The following RTTN variants were observed in gnomAD, a reference collection of about 807,000 sequenced individuals.
RTTN encodes the protein rotatin.
Under a neutral mutation model 269.2 loss-of-function variants are expected in RTTN, and 182 were observed. The observed-to-expected ratio is 0.68, with a 90% CI of 0.60 to 0.76. The LOEUF is 0.76. Ranked by LOEUF, RTTN falls within the 30% of genes least tolerant of loss-of-function variation. The pLI, the probability that RTTN is intolerant of heterozygous loss-of-function variation, is 0.00. For synonymous variants in RTTN, 1,006 were observed against 963.5 expected (o/e 1.04, Z -0.82); for missense variants, 2,545 against 2,608.6 (o/e 0.98, Z 0.53).
In RTTN at chr18:70,030,902, C is replaced by T. The variant is rs757207264; in HGVS notation, c.5621G>A (p.Arg1874Lys). 2 of 1,613,652 alleles carry T rather than the reference C, an allele frequency of 1.2e-6. No individual in the cohort carries two copies. The highest frequency in any genetic ancestry group is 3.3e-5 in the Admixed American group (2 of 59,914). Residue 1874 changes from arginine (R) to lysine (K), a missense_variant, in exon 41 of 49, where the codon AGA becomes AAA. Coordinates refer to ENST00000640769, the MANE Select transcript of RTTN (RefSeq NM_173630.4). Reference protein sequence around the residue: ...NALMSLLAVSRRAQKHALKAN... With the variant: ...NALMSLLAVSKRAQKHALKAN... The stretch of plus-strand genomic sequence containing the variant: ...TTTCAAAGCATGTTTCTGTGCTCTT[C>T]TACTGACAGCCAGCAGTGACATCAA...
At chr18:70,095,773 T>C (rs1475032571) in intron 28 of RTTN, among the ~76,000 whole-genome samples, 1 of 152,026 alleles carries the variant, frequency 6.6e-6, no homozygotes, top group East Asian at 1.9e-4. Context: ...TTACATGTCT[T>C]GGGGTTGCTC....
intron 5 of RTTN, 29 bp from the exon 6 acceptor site, chr18:70,197,767 AG>A: frequency 7.3e-7 from 1 of 1,377,736 alleles, no homozygotes; most frequent in South Asian, 1.2e-5. Flanking sequence ...ATCATTTTTA[AG>A]AAGAGTTCAT....
At chr18:70,097,140 A>G (rs948697782) in intron 28 of RTTN, among the ~76,000 whole-genome samples, 1 of 152,220 alleles carries the variant, frequency 6.6e-6, no homozygotes, top group African/African-American at 2.4e-5. Flanking sequence ...TATCTGATTT[A>G]AAGATTTAAT....
At position 70,166,755 on chromosome 18, in the gene RTTN, T is replaced by A. The variant is rs553649811; in HGVS notation, c.1802+164A>T. The A allele has an allele frequency of 5.0e-4, 257 of 509,788 alleles. 1 individual carries two copies. Among genetic ancestry groups the A allele is most frequent in the African/African-American group, 4.4e-3 (226 of 50,804 alleles). The allele number at this position is 509,788 out of a possible 1,614,324, so 31.6% of individuals were successfully genotyped here. A position where few individuals can be genotyped will look rare whatever the true frequency, so the allele number is the denominator to read the frequency against. Reference sequence around the variant, plus strand: ...TGAATATAACAGTTAAGTATCCTAATGCAGCTGTACATATACCCTTTAAAA... The same window carrying A: ...TGAATATAACAGTTAAGTATCCTAAAGCAGCTGTACATATACCCTTTAAAA... On this transcript the variant is annotated intron_variant, in intron 13 of 48. Transcript: ENST00000640769.
In RTTN at chr18:70,072,130, T is replaced by C. The variant is rs151137605; in HGVS notation, c.4653+1776A>G. Among the ~76,000 whole-genome samples, 1,345 of 152,232 alleles carry C rather than the reference T, an allele frequency of 8.8e-3. 21 individuals are homozygous for C. The highest frequency in any genetic ancestry group is 0.029 in the African/African-American group (1,224 of 41,546). On this transcript the variant is annotated intron_variant, in intron 34 of 48. Transcript: ENST00000640769. ...ACAAAGATACACATCATCTTGGGTA[T>C]GGTAAAGAAAATATAACTAGTAGAA...
chr18:70,065,097 T>C (rs1446811136), intron 35 of RTTN, among the ~76,000 whole-genome samples: 1 of 152,104 alleles, frequency 6.6e-6, no homozygotes, highest in Non-Finnish European at 1.5e-5. Flanking sequence ...AATATTGTAA[T>C]GAAAGTTCAA....
intron 28 of RTTN, among the ~76,000 whole-genome samples, chr18:70,106,704 AAG>A (rs1320705872): frequency 6.6e-6 from 1 of 152,156 alleles, no homozygotes; most frequent in African/African-American, 2.4e-5. Flanking sequence ...TTGAAAAAAA[AAG>A]AGGTTTGGAT....
At chr18:70,174,611 G>C (rs77745133) in intron 11 of RTTN, among the ~76,000 whole-genome samples, 3 of 151,594 alleles carry the variant, frequency 2.0e-5, no homozygotes, top group African/African-American at 7.3e-5. Context: ...TGGAATACTT[G>C]TGGAAATCAT....
chr18:70,094,263 A>AT (rs1041582791), intron 28 of RTTN, among the ~76,000 whole-genome samples: 5 of 151,538 alleles, frequency 3.3e-5, no homozygotes, highest in East Asian at 3.9e-4. Context: ...GGATTCATTG[A>AT]TTTTTTTTGA....
chr18:70,105,449 G>A (rs1325570156), intron 28 of RTTN, among the ~76,000 whole-genome samples: 1 of 152,196 alleles, frequency 6.6e-6, no homozygotes, highest in Non-Finnish European at 1.5e-5. Flanking sequence ...CGCTTCCTGG[G>A]TGAGGCGATG....
chr18:70,043,677 T>C (rs747762578), intron 40 of RTTN, among the ~76,000 whole-genome samples: 3 of 152,214 alleles, frequency 2.0e-5, no homozygotes, highest in Non-Finnish European at 4.4e-5. Flanking sequence ...TTCTCTAAAA[T>C]GTGTACATGG....
intron 33 of RTTN, chr18:70,075,012 A>G (rs1295650775): frequency 6.4e-6 from 1 of 157,068 alleles, no homozygotes; most frequent in Non-Finnish European, 1.4e-5. Flanking sequence ...AAGAAACTAT[A>G]AAACTGTACT....
At chr18:70,197,816 T>A (rs183405171) in intron 5 of RTTN, 78 bp from the exon 6 acceptor site, 68 of 873,660 alleles carry the variant, frequency 7.8e-5, no homozygotes, top group Non-Finnish European at 1.2e-4. Context: ...ACACAATGAC[T>A]CCATTAACAA....
chr18:70,068,001 C>T (rs1024813227), intron 34 of RTTN, among the ~76,000 whole-genome samples: 2 of 152,136 alleles, frequency 1.3e-5, no homozygotes, highest in African/African-American at 2.4e-5. Flanking sequence ...ACAATGATTG[C>T]TTTATATGGT....
intron 14 of RTTN, among the ~76,000 whole-genome samples, chr18:70,157,776 T>C (rs965268479): frequency 4.6e-5 from 7 of 152,066 alleles, no homozygotes; most frequent in African/African-American, 1.7e-4. Context: ...AAAACTGAAC[T>C]TCTGGAAACA....
chr18:70,120,296 A>C (rs2059703234), intron 26 of RTTN, among the ~76,000 whole-genome samples: 1 of 151,928 alleles, frequency 6.6e-6, no homozygotes, highest in South Asian at 2.1e-4. Flanking sequence ...GCACCCCATA[A>C]CTGTAAGAAA....
At chr18:70,096,603 T>C (rs1252250935) in intron 28 of RTTN, among the ~76,000 whole-genome samples, 1 of 152,198 alleles carries the variant, frequency 6.6e-6, no homozygotes, top group Non-Finnish European at 1.5e-5. Flanking sequence ...CCAGACCCTG[T>C]TTGCCTGGGT....
intron 15 of RTTN, 84 bp from the exon 16 acceptor site, chr18:70,150,171 T>G: frequency 1.3e-6 from 1 of 747,052 alleles, no homozygotes; most frequent in Non-Finnish European, 2.3e-6. Context: ...TTTTATAGCA[T>G]GTGGAAAGAT....
chr18:70,077,930 T>C (rs1017136518), intron 32 of RTTN, among the ~76,000 whole-genome samples: 11 of 151,524 alleles, frequency 7.3e-5, no homozygotes, highest in African/African-American at 2.4e-4. Context: ...AGAAAATAAA[T>C]TCAAGAGGCC....
Sources: allele counts gnomAD v4.1 joint callset (sites outside exome capture counted in the v4.1 genomes callset), GRCh38; gene constraint gnomAD v4.1.1; transcripts MANE v1.5; gene names NCBI Gene and HGNC (gene_info 2026-07-23, HGNC 2026-07-21).